CDH4: variants seen among roughly 807,000 people sequenced by gnomAD.
CDH4 encodes cadherin-4.
In CDH4, 33 loss-of-function variants were observed where a neutral mutation model predicts 86.0. The observed-to-expected ratio is 0.38, with a 90% CI of 0.29 to 0.51. The LOEUF (loss-of-function observed/expected upper bound fraction) is 0.51, where lower values mean the gene tolerates loss of function less well. Among genes scored for constraint, CDH4 ranks in the 20% least tolerant of loss-of-function variants. CDH4 has a pLI of 0.86. For missense variants in CDH4, 1,114 were observed against 1,307.4 expected, an observed-to-expected ratio of 0.85 and a Z score of 2.28; for synonymous variants, 555 against 549.4, an observed-to-expected ratio of 1.01 and a Z score of -0.14.
rs146536512 is a variant in CDH4, at chr20:61,533,460, C to T, written c.170-210103C>T. Among the ~76,000 whole-genome samples the T allele has an allele frequency of 1.8e-4, 28 of 152,366 alleles. 1 individual carries two copies. In the East Asian group the frequency reaches 5.4e-3, roughly 29 times the overall value. ...CTGTGCTCGTCTCTCCATCCCTTGTCCTCCCTAGACAGGAAAGACCCGCGT... is the reference window on the plus strand; with the variant it reads ...CTGTGCTCGTCTCTCCATCCCTTGTTCTCCCTAGACAGGAAAGACCCGCGT... On this transcript the variant is annotated intron_variant, in intron 2 of 15. Coordinates refer to ENST00000614565, the MANE Select transcript of CDH4 (RefSeq NM_001794.5).
At position 61,522,457 on chromosome 20, in the gene CDH4, C is replaced by T. The variant is rs147920716; in HGVS notation, c.170-221106C>T. 1.4e-3 allele frequency among the ~76,000 whole-genome samples: 208 copies of T among 152,332 alleles called. 1 individual carries two copies. Among genetic ancestry groups the T allele is most frequent in the African/African-American group, 4.7e-3 (196 of 41,568 alleles). On this transcript the variant is annotated intron_variant, in intron 2 of 15. Coordinates refer to ENST00000614565, the MANE Select transcript of CDH4 (RefSeq NM_001794.5). ...TGACACCAAATGTCGCATCCATTAA[C>T]GTTTAATTCAATCTTTTTCAATATC...
At chr20:61,918,706 A>G (rs1307291707) in intron 9 of CDH4, among the ~76,000 whole-genome samples, 1 of 151,928 alleles carries the variant, frequency 6.6e-6, no homozygotes, top group Non-Finnish European at 1.5e-5. Flanking sequence ...GAAGCGTGGT[A>G]TTGCAGTGAC....
At chr20:61,741,497 C>CT (rs34240799) in intron 2 of CDH4, among the ~76,000 whole-genome samples, 56,680 of 148,026 alleles carry the variant, frequency 0.38, 10,778 homozygotes, top group African/African-American at 0.43. Flanking sequence ...TGTGCCTGTA[C>CT]TTTTTTTTTT....
At chr20:61,896,211 C>T (rs1039050886) in intron 8 of CDH4, among the ~76,000 whole-genome samples, 3 of 152,174 alleles carry the variant, frequency 2.0e-5, no homozygotes. Flanking sequence ...CCCAGCCAAC[C>T]CCGACCAACC....
chr20:61,794,988 G>C (rs961544411), intron 4 of CDH4, among the ~76,000 whole-genome samples: 2 of 151,316 alleles, frequency 1.3e-5, no homozygotes, highest in African/African-American at 4.9e-5. Flanking sequence ...CAGTAGAACA[G>C]AGTGTTCCTC....
Position 61,807,835 on chromosome 20 carries a change from G to A in CDH4, c.576+34653G>A, listed in dbSNP as rs996434173. 6.6e-6 allele frequency among the ~76,000 whole-genome samples: 1 copy of A among 152,216 alleles called. No homozygotes were observed. Among genetic ancestry groups the A allele is most frequent in the African/African-American group, 2.4e-5 (1 of 41,468 alleles). Reference sequence around the variant, plus strand: ...CACACAGCACATATCCATGCAGGATGGTCAGTACTGTCGCTTTCGTTAGGT... The same window carrying A: ...CACACAGCACATATCCATGCAGGATAGTCAGTACTGTCGCTTTCGTTAGGT... On this transcript the variant is annotated intron_variant, in intron 4 of 15. Coordinates refer to ENST00000614565, the MANE Select transcript of CDH4 (RefSeq NM_001794.5). This position sits in a 1 kb window ranked among gnomAD's most constrained non-coding sequence, Gnocchi z 4.5.
intron 2 of CDH4, among the ~76,000 whole-genome samples, chr20:61,323,759 G>T (rs1390807384): frequency 1.3e-5 from 2 of 152,196 alleles, no homozygotes; most frequent in African/African-American, 4.8e-5. Context: ...TGGAGAGGAG[G>T]GGCCTCTCAT....
chr20:61,576,715 C>G (rs543502340), intron 2 of CDH4, among the ~76,000 whole-genome samples: 16 of 152,228 alleles, frequency 1.1e-4, no homozygotes, highest in African/African-American at 3.6e-4. Flanking sequence ...CACTCAGCAC[C>G]CAGGAGAAGC....
chr20:61,572,823 CTATGGATGGATGGATGGATG>C (rs2086351304), intron 2 of CDH4, among the ~76,000 whole-genome samples: 1 of 133,694 alleles, frequency 7.5e-6, no homozygotes, highest in Admixed American at 7.5e-5. Flanking sequence ...TTTCAGAACA[CTATGGATGGATGGATGGATG>C]GATGGATGGA....
chr20:61,539,026 G>A (rs2086019367), intron 2 of CDH4, among the ~76,000 whole-genome samples: 1 of 152,158 alleles, frequency 6.6e-6, no homozygotes, highest in East Asian at 1.9e-4. Flanking sequence ...CAGGGGAGGA[G>A]GACTAAAGGA....
At chr20:61,827,007 GTGTA>G (rs1285848014) in intron 4 of CDH4, among the ~76,000 whole-genome samples, 10 of 127,698 alleles carry the variant, frequency 7.8e-5, no homozygotes, top group South Asian at 2.6e-4. Flanking sequence ...GTGTGTGTGT[GTGTA>G]TGTGTTTCCT....
chr20:61,273,780 G>T (rs2084202879), intron 2 of CDH4, among the ~76,000 whole-genome samples: 1 of 147,522 alleles, frequency 6.8e-6, no homozygotes, highest in African/African-American at 2.5e-5. Flanking sequence ...GTTTGGAGGA[G>T]TACCATGTGC....
intron 2 of CDH4, among the ~76,000 whole-genome samples, chr20:61,566,387 G>C (rs1430111399): frequency 6.6e-6 from 1 of 152,218 alleles, no homozygotes; most frequent in South Asian, 2.1e-4. Flanking sequence ...TACCAAGGAT[G>C]AAGAGTTGGA....
rs1297020942 is a variant in CDH4, at chr20:61,924,481, G to A, written c.1771+5G>A. 1.9e-6 allele frequency: 3 copies of A among 1,611,782 alleles called. No individual in the cohort carries two copies. Among genetic ancestry groups the A allele is most frequent in the African/African-American group, 1.3e-5 (1 of 74,840 alleles). On this transcript the variant is annotated splice_donor_5th_base_variant and intron_variant, in intron 11 of 15. Transcript: ENST00000614565. ...CCTTCCTGGCAGCTGACAATGGTGC[G>A]GCCCACCCCAGGGAGGCAGCCGTCT...
At chr20:61,289,698 C>T (rs2084311509) in intron 2 of CDH4, among the ~76,000 whole-genome samples, 1 of 151,198 alleles carries the variant, frequency 6.6e-6, no homozygotes, top group Admixed American at 6.6e-5. Context: ...ATCCCCGTAT[C>T]CAACGAGACT....
intron 2 of CDH4, among the ~76,000 whole-genome samples, chr20:61,741,668 T>G (rs1166339142): frequency 6.6e-6 from 1 of 152,112 alleles, no homozygotes; most frequent in Non-Finnish European, 1.5e-5. Context: ...ACTTTTTGTA[T>G]TTTTAGTAGA....
At chr20:61,824,915 G>A (rs2146072638) in intron 4 of CDH4, among the ~76,000 whole-genome samples, 1 of 152,296 alleles carries the variant, frequency 6.6e-6, no homozygotes, top group East Asian at 1.9e-4. Flanking sequence ...TTTCTTCAAG[G>A]ATGGTGTTGA....
intron 6 of CDH4, among the ~76,000 whole-genome samples, chr20:61,863,989 G>A (rs936478676): frequency 2.0e-5 from 3 of 152,206 alleles, no homozygotes; most frequent in East Asian, 3.9e-4. Flanking sequence ...CATCCATCCA[G>A]CACTTCAGAA....
Position 61,254,915 on chromosome 20 carries a change from A to G in CDH4, c.147A>G (p.Leu49=), listed in dbSNP as rs200800007. ...CGGCATTAATCTCCCAAAATATTCT[A>G]GAAGGGGAAAAGCTACTTCAAGGTA... ...DYTALISQNI[L]EGEKLLQVKF... Residue 49 remains leucine, a synonymous_variant, in exon 2 of 16, where the codon CTA becomes CTG. Transcript: ENST00000614565. 313 of 1,608,660 alleles carry G rather than the reference A, an allele frequency of 1.9e-4. 3 individuals are homozygous for G. In the South Asian group the frequency reaches 3.2e-3, roughly 17 times the overall value.
Sources: gnomAD v4.1 joint callset for allele counts (sites outside exome capture counted in the v4.1 genomes callset) on GRCh38, gnomAD v4.1.1 for gene constraint, Gnocchi (gnomAD v3.1) non-coding constraint, MANE v1.5 for transcripts, NCBI Gene and HGNC (gene_info 2026-07-23, HGNC 2026-07-21) for gene names.